Variants in TMEM132B observed in about 807,000 individuals in gnomAD.
The protein encoded by TMEM132B is transmembrane protein 132B.
TMEM132B carries 18 observed loss-of-function variants against 90.8 expected under a neutral mutation model. The observed-to-expected ratio is 0.20, with a 90% CI of 0.14 to 0.29. TMEM132B has a LOEUF of 0.29. Ranked by LOEUF, TMEM132B falls within the 10% of genes least tolerant of loss-of-function variation. TMEM132B has a pLI of 1.00. For missense variants in TMEM132B, 1,096 were observed against 1,326.8 expected (o/e 0.83, Z 2.70); for synonymous variants, 504 against 523.3 (o/e 0.96, Z 0.50).
At chr12:125,323,808 C>T (rs376103554) in intron 1 of TMEM132B, among the ~76,000 whole-genome samples, 5 of 152,184 alleles carry the variant, frequency 3.3e-5, no homozygotes, top group South Asian at 2.1e-4. Context: ...CGTGAGCCAC[C>T]GTACTGGGCT....
At chr12:125,247,673 C>T (rs1488513374) in intron 1 of TMEM132B, among the ~76,000 whole-genome samples, 3 of 152,132 alleles carry the variant, frequency 2.0e-5, no homozygotes, top group Non-Finnish European at 4.4e-5. Flanking sequence ...AATCAGAGCA[C>T]AGCAGCCCCC....
chr12:125,412,569 CG>C (rs1375650013), intron 2 of TMEM132B, among the ~76,000 whole-genome samples: 1 of 152,146 alleles, frequency 6.6e-6, no homozygotes, highest in Non-Finnish European at 1.5e-5. Context: ...CGTGCGCTAT[CG>C]GGTGGGAGGG....
At chr12:125,313,006 G>A (rs1383512016) in intron 1 of TMEM132B, among the ~76,000 whole-genome samples, 1 of 152,198 alleles carries the variant, frequency 6.6e-6, no homozygotes, top group East Asian at 1.9e-4. Flanking sequence ...TGCTCAGGAT[G>A]TGGACCGTGT....
At chr12:125,226,378 A>T (rs1442087630) in intron 1 of TMEM132B, among the ~76,000 whole-genome samples, 1 of 152,202 alleles carries the variant, frequency 6.6e-6, no homozygotes, top group Non-Finnish European at 1.5e-5. Flanking sequence ...ACACTTTCCT[A>T]CTTGCTACCA....
At chr12:125,553,082 A>G (rs1884276084) in intron 4 of TMEM132B, among the ~76,000 whole-genome samples, 1 of 152,274 alleles carries the variant, frequency 6.6e-6, no homozygotes, top group Admixed American at 6.5e-5. Flanking sequence ...TGTACAACAC[A>G]TGGCAACAAA....
At chr12:125,626,203 C>G (rs1886227772) in intron 5 of TMEM132B, among the ~76,000 whole-genome samples, 1 of 151,770 alleles carries the variant, frequency 6.6e-6, no homozygotes, top group African/African-American at 2.4e-5. Flanking sequence ...GCCTGAAGGA[C>G]TTTCTTTAAT....
chr12:125,607,438 G>C (rs1364890423), intron 5 of TMEM132B, among the ~76,000 whole-genome samples: 1 of 152,164 alleles, frequency 6.6e-6, no homozygotes, highest in Non-Finnish European at 1.5e-5. Flanking sequence ...TCAATTGGCT[G>C]CCTGTGATTG....
At position 125,650,746 on chromosome 12, in the gene TMEM132B, G is replaced by C. The variant is rs375749871; in HGVS notation, c.1707G>C (p.Gln569His). The C allele has an allele frequency of 2.5e-6, 4 of 1,614,218 alleles. No individual in the cohort carries two copies. Among genetic ancestry groups the C allele is most frequent in the Non-Finnish European group, 3.4e-6 (4 of 1,180,028 alleles). ...EEKKGRGCSLQYQHATVRVLT... is the reference protein window; with the variant it reads ...EEKKGRGCSLHYQHATVRVLT... ...AGAAGGGACGAGGCTGCTCCCTGCA[G>C]TACCAGCACGCCACAGTGCGTGTCC... The change falls in exon 7 of 9, where the codon CAG becomes CAC. Residue 569 changes from glutamine (Q) to histidine (H), a missense_variant. Coordinates refer to ENST00000682704, the MANE Select transcript of TMEM132B (RefSeq NM_001366854.1).
intron 1 of TMEM132B, among the ~76,000 whole-genome samples, chr12:125,293,973 G>A (rs758365022): frequency 6.6e-6 from 1 of 152,218 alleles, no homozygotes; most frequent in Non-Finnish European, 1.5e-5. Flanking sequence ...CAGCTGCCAT[G>A]CTGTGAGGAA....
chr12:125,274,593 T>C (rs138412520), intron 1 of TMEM132B, among the ~76,000 whole-genome samples: 117 of 152,356 alleles, frequency 7.7e-4, no homozygotes, highest in African/African-American at 2.3e-3. Flanking sequence ...CCTGCGACTA[T>C]CATTCAGTGC....
At chr12:125,395,922 C>G (rs758078928) in intron 2 of TMEM132B, among the ~76,000 whole-genome samples, 15 of 152,336 alleles carry the variant, frequency 9.8e-5, no homozygotes, top group Non-Finnish European at 2.1e-4. Flanking sequence ...CAATCCCTGA[C>G]AAATCCTGAG....
In TMEM132B at chr12:125,559,221, C is replaced by T. The variant is rs532237983; in HGVS notation, c.1294-24630C>T. 3.2e-3 allele frequency among the ~76,000 whole-genome samples: 489 copies of T among 152,106 alleles called. 2 individuals carry two copies. Among genetic ancestry groups the T allele is most frequent in the African/African-American group, 0.011 (448 of 41,484 alleles). ...TCTCTACAAAAAATTAAAAAATTAG[C>T]GGGGTGTGGTGGCTCACACCTGTAG... On this transcript the variant is annotated intron_variant, in intron 4 of 8. Transcript: ENST00000682704.
At chr12:125,197,788 C>G (rs1565973351) in intron 1 of TMEM132B, among the ~76,000 whole-genome samples, 1 of 152,156 alleles carries the variant, frequency 6.6e-6, no homozygotes. Context: ...AAAAAATTAT[C>G]CAGCTCCTCG....
chr12:125,383,099 T>C (rs1339202884), intron 2 of TMEM132B, among the ~76,000 whole-genome samples: 2 of 152,168 alleles, frequency 1.3e-5, no homozygotes, highest in African/African-American at 4.8e-5. Flanking sequence ...GCTGCTGTCA[T>C]CTTAGCTGAA....
At chr12:125,420,645 C>A (rs1383852883) in intron 3 of TMEM132B, among the ~76,000 whole-genome samples, 2 of 152,214 alleles carry the variant, frequency 1.3e-5, no homozygotes, top group African/African-American at 4.8e-5. Flanking sequence ...TGGTGATTAA[C>A]ATTTGACTCC....
At chr12:125,468,868 G>A (rs1881640734) in intron 3 of TMEM132B, among the ~76,000 whole-genome samples, 2 of 151,970 alleles carry the variant, frequency 1.3e-5, no homozygotes, top group Non-Finnish European at 1.5e-5. Flanking sequence ...ATTGTAAATG[G>A]GATTGTTTTA....
Position 125,415,096 on chromosome 12 carries a change from C to T in TMEM132B, c.960-435C>T, listed in dbSNP as rs1295517460. Among the ~76,000 whole-genome samples, 1 of 152,178 alleles carries T rather than the reference C, an allele frequency of 6.6e-6. No individual in the cohort carries two copies. ...CCCAGAGTGCCCAGTGCAATGGCCT[C>T]CTCTTCCATCCCCTGGGCTGTGTGA... On this transcript the variant is annotated intron_variant, in intron 2 of 8. Transcript: ENST00000682704. This position sits in a 1 kb window ranked among gnomAD's most constrained non-coding sequence, Gnocchi z 5.3.
At chr12:125,461,168 C>T (rs1217222831) in intron 3 of TMEM132B, among the ~76,000 whole-genome samples, 1 of 152,202 alleles carries the variant, frequency 6.6e-6, no homozygotes, top group African/African-American at 2.4e-5. Flanking sequence ...AGAGCCAGAG[C>T]TGGGAGCTTA....
At chr12:125,461,807 C>T (rs1353110191) in intron 3 of TMEM132B, among the ~76,000 whole-genome samples, 3 of 152,224 alleles carry the variant, frequency 2.0e-5, no homozygotes, top group Admixed American at 2.0e-4. Flanking sequence ...GCCAGGCCAC[C>T]CTTGCCTTCT....
Sources: allele counts gnomAD v4.1 joint callset (sites outside exome capture counted in the v4.1 genomes callset), GRCh38; gene constraint gnomAD v4.1.1; non-coding constraint Gnocchi (gnomAD v3.1); transcripts MANE v1.5; gene names NCBI Gene and HGNC (gene_info 2026-07-23, HGNC 2026-07-21).